CREBBP: variants seen among roughly 807,000 people sequenced by gnomAD.
The protein encoded by CREBBP is CREB binding lysine acetyltransferase, also known as CREB-binding protein.
A neutral mutation model predicts 265.0 loss-of-function variants in CREBBP; 19 were observed. The observed-to-expected ratio is 0.07, with a 90% confidence interval of 0.05 to 0.11. CREBBP has a LOEUF of 0.11. CREBBP is among the 10% of genes least tolerant of loss of function. The probability of loss-of-function intolerance (pLI) is 1.00; values close to 1 mark genes in which losing one functional copy is unlikely to be tolerated. For missense variants in CREBBP, 2,525 were observed against 3,219.0 expected (o/e 0.78, Z 5.22); for synonymous variants, 1,457 against 1,223.7 (o/e 1.19, Z -3.98).
At chr16:3,864,722 T>C (rs1193448930) in intron 1 of CREBBP, among the ~76,000 whole-genome samples, 9 of 152,112 alleles carry the variant, frequency 5.9e-5, no homozygotes, top group Admixed American at 5.9e-4. Context: ...TGATGGAGAA[T>C]CACAAGCTGA....
intron 24 of CREBBP, 36 bp from the exon 25 acceptor site, chr16:3,739,760 C>T (rs2052156179): frequency 6.2e-7 from 1 of 1,614,122 alleles, no homozygotes; most frequent in East Asian, 2.2e-5. Context: ...TTTACAAAGG[C>T]TGTTGCTGAC....
At chr16:3,730,001 A>T in intron 30 of CREBBP, 127 bp from the exon 31 acceptor site, 2 of 1,484,438 alleles carry the variant, frequency 1.3e-6, no homozygotes, top group Non-Finnish European at 9.1e-7. Context: ...TAGGAGACCC[A>T]GACAGGATGC....
intron 27 of CREBBP, 141 bp from the exon 28 acceptor site, chr16:3,736,344 G>T: frequency 1.1e-6 from 1 of 910,734 alleles, no homozygotes; most frequent in Non-Finnish European, 1.7e-6. Flanking sequence ...CCACAGTGCA[G>T]CAGACCCCCA....
At position 3,780,871 on chromosome 16, in the gene CREBBP, T is replaced by C; in HGVS notation, c.1684A>G (p.Met562Val). The C allele has an allele frequency of 6.2e-7, 1 of 1,613,436 alleles. No homozygotes were observed. Among genetic ancestry groups the C allele is most frequent in the East Asian group, 2.2e-5 (1 of 44,888 alleles). The change falls in exon 8 of 31, where the codon ATG (methionine) becomes GTG (valine). Residue 562 changes from methionine (M) to valine (V), a missense_variant. Physicochemically the swap from Met to Val is conservative, Grantham distance 21. This residue lies in a region of CREBBP where 144 missense variants were observed against 134.0 expected (regional missense o/e 1.07). Transcript: ENST00000262367. Reference protein sequence around the residue: ...PTSLGATNPLMNDGSNSGNIG... With the variant: ...PTSLGATNPLVNDGSNSGNIG... Reference sequence around the variant, plus strand: ...TTACCAGAGTTGGAGCCATCGTTCATCAGTGGGCTAAGGAGGAAATAAAGA... The same window carrying C: ...TTACCAGAGTTGGAGCCATCGTTCACCAGTGGGCTAAGGAGGAAATAAAGA...
intron 5 of CREBBP, among the ~76,000 whole-genome samples, chr16:3,787,351 C>G (rs2053410864): frequency 1.3e-5 from 2 of 152,154 alleles, no homozygotes; most frequent in Admixed American, 6.5e-5. Context: ...CTGCTCCTTG[C>G]TAGCAAGGAG....
At chr16:3,794,749 T>C (rs1425745958) in intron 3 of CREBBP, among the ~76,000 whole-genome samples, 3 of 152,242 alleles carry the variant, frequency 2.0e-5, no homozygotes, top group Non-Finnish European at 2.9e-5. Flanking sequence ...AGTCTTCTTC[T>C]TTACAAACTA....
chr16:3,832,849 T>C (rs1206772580), intron 2 of CREBBP, among the ~76,000 whole-genome samples: 1 of 151,464 alleles, frequency 6.6e-6, no homozygotes, highest in Non-Finnish European at 1.5e-5. Context: ...CTCACAGGAA[T>C]GCAAGGCTGG....
chr16:3,809,789 T>A (rs2053900515), intron 3 of CREBBP, among the ~76,000 whole-genome samples: 1 of 152,110 alleles, frequency 6.6e-6, no homozygotes. Context: ...AAAAAGCAAC[T>A]TTTTCTGAAC....
intron 2 of CREBBP, among the ~76,000 whole-genome samples, chr16:3,845,886 C>CAAAAAAAAAAAAA (rs58655991): frequency 1.4e-5 from 1 of 73,518 alleles, no homozygotes; most frequent in Non-Finnish European, 2.8e-5. Context: ...GACCCTATCT[C>CAAAAAAAAAAAAA]AAAAAAAAAA....
Position 3,880,051 on chromosome 16 carries a change from G to C in CREBBP, c.-135C>G. 1.7e-6 allele frequency: 1 copy of C among 575,388 alleles called. No homozygotes were observed. 35.6% of individuals were successfully genotyped at this position (575,388 alleles called of 1,614,324 possible). A position where few individuals can be genotyped will look rare whatever the true frequency, so the allele number is the denominator to read the frequency against. On this transcript the variant is annotated 5_prime_UTR_variant, in exon 1 of 31. Coordinates refer to ENST00000262367, the MANE Select transcript of CREBBP (RefSeq NM_004380.3). ...GCGAGCGGGCGGGCGGGCGCCGAGG[G>C]AGAGGGAGGGCGCAGGCCGGGTGGG...
In CREBBP at chr16:3,803,503, TCAA is replaced by T. The variant is rs530651333; in HGVS notation, c.975+7097_975+7099del. Among the ~76,000 whole-genome samples the T allele has an allele frequency of 5.6e-4, 85 of 151,914 alleles. 1 individual carries two copies. The East Asian group carries it at 8.3e-3, about 15-fold the overall frequency. Reference sequence around the variant, plus strand: ...CTGGGCGACAGATCGAGACTCTCTCTCAACAACAACAACAACAAAAAAAACAAA... The same window carrying T: ...CTGGGCGACAGATCGAGACTCTCTCTCAACAACAACAACAAAAAAAACAAA... On this transcript the variant is annotated intron_variant, in intron 3 of 30. Transcript: ENST00000262367.
At chr16:3,747,856 G>A (rs948529190) in intron 21 of CREBBP, among the ~76,000 whole-genome samples, 4 of 152,058 alleles carry the variant, frequency 2.6e-5, no homozygotes, top group African/African-American at 7.2e-5. Context: ...TTGAGAGGCC[G>A]AGGCGGGTGG....
chr16:3,773,430 C>T (rs2053062007), intron 13 of CREBBP, among the ~76,000 whole-genome samples: 1 of 152,138 alleles, frequency 6.6e-6, no homozygotes, highest in East Asian at 1.9e-4. Flanking sequence ...CTCAGGGTCA[C>T]GTTAAAGTTA....
intron 28 of CREBBP, among the ~76,000 whole-genome samples, chr16:3,734,538 C>T (rs541568411): frequency 2.6e-5 from 4 of 152,274 alleles, no homozygotes; most frequent in South Asian, 4.1e-4. Flanking sequence ...GTCTCGGACG[C>T]GGTAACCTCC....
At chr16:3,766,432 T>A (rs2052854133) in intron 16 of CREBBP, among the ~76,000 whole-genome samples, 1 of 152,242 alleles carries the variant, frequency 6.6e-6, no homozygotes, top group South Asian at 2.1e-4. Context: ...TATTCTTACT[T>A]ATTTTTGTTT....
At chr16:3,838,615 C>G (rs1224772333) in intron 2 of CREBBP, among the ~76,000 whole-genome samples, 1 of 152,100 alleles carries the variant, frequency 6.6e-6, no homozygotes, top group Non-Finnish European at 1.5e-5. Flanking sequence ...GAGAAAACAT[C>G]AGGAGTATGT....
intron 2 of CREBBP, among the ~76,000 whole-genome samples, chr16:3,826,547 G>C (rs983560746): frequency 1.3e-5 from 2 of 151,982 alleles, no homozygotes; most frequent in Non-Finnish European, 2.9e-5. Flanking sequence ...AAAGTGACGT[G>C]GTAAAAATGG....
intron 16 of CREBBP, among the ~76,000 whole-genome samples, chr16:3,764,198 C>T (rs1247822966): frequency 1.3e-5 from 2 of 152,080 alleles, no homozygotes; most frequent in African/African-American, 4.8e-5. Context: ...GCTTGAACTC[C>T]TGGCCTCAAG....
At chr16:3,743,207 G>C (rs2052260089) in intron 23 of CREBBP, 1 of 152,218 alleles carries the variant, frequency 6.6e-6, no homozygotes, top group Non-Finnish European at 1.5e-5. Flanking sequence ...CAGAGGCCAG[G>C]CATGCTGCTA....
Sources: allele counts gnomAD v4.1 joint callset (sites outside exome capture counted in the v4.1 genomes callset), GRCh38; gene constraint gnomAD v4.1.1; regional missense constraint gnomAD v4.1.1; transcripts MANE v1.5; gene names NCBI Gene and HGNC (gene_info 2026-07-23, HGNC 2026-07-21).